RCOR3: variants seen among roughly 807,000 people sequenced by gnomAD.
RCOR3 encodes the protein REST corepressor 3.
A neutral mutation model predicts 64.1 loss-of-function variants in RCOR3; 13 were observed. The ratio of observed to expected loss-of-function variants is 0.20; its 90% confidence interval spans 0.13 to 0.32. RCOR3 has a LOEUF of 0.32. Among genes scored for constraint, RCOR3 ranks in the 10% least tolerant of loss-of-function variants. RCOR3 has a pLI of 1.00. For missense variants in RCOR3, 489 were observed against 701.2 expected, an observed-to-expected ratio of 0.70 and a Z score of 3.42; for synonymous variants, 215 against 239.0, an observed-to-expected ratio of 0.90 and a Z score of 0.93.
chr1:211,315,272 T>G lies in RCOR3; in HGVS notation c.*1504T>G, dbSNP rs1322471941. 5 of 152,194 alleles carry G rather than the reference T, an allele frequency of 3.3e-5. No homozygotes were observed. Among genetic ancestry groups the G allele is most frequent in the African/African-American group, 1.2e-4 (5 of 41,452 alleles). The allele number at this position is 152,194 out of a possible 1,614,324, so 9.4% of individuals were successfully genotyped here. Reference sequence around the variant, plus strand: ...TCAACATCTAAGGCCCTAATTTATGTTTTGAAAGATCATGTGTTCCCAAAG... The same window carrying G: ...TCAACATCTAAGGCCCTAATTTATGGTTTGAAAGATCATGTGTTCCCAAAG... On this transcript the variant is annotated 3_prime_UTR_variant, in exon 12 of 12. Coordinates refer to ENST00000419091, the MANE Select transcript of RCOR3 (RefSeq NM_001136223.3).
Position 211,315,880 on chromosome 1 carries a change from T to C in RCOR3, c.*2112T>C, listed in dbSNP as rs1033768153. 2.6e-5 allele frequency: 4 copies of C among 152,232 alleles called. No individual in the cohort carries two copies. The highest frequency in any genetic ancestry group is 9.6e-5 in the African/African-American group (4 of 41,456). 9.4% of individuals were successfully genotyped at this position (152,232 alleles called of 1,614,324 possible). On this transcript the variant is annotated 3_prime_UTR_variant, in exon 12 of 12. Transcript: ENST00000419091. ...TTAGTAATATGACACATGTATATAG[T>C]GAGATGTCTTTATTGTGTGCTTTGC...
intron 8 of RCOR3, among the ~76,000 whole-genome samples, chr1:211,290,578 A>G (rs550972918): frequency 1.5e-4 from 23 of 151,838 alleles, no homozygotes; most frequent in Middle Eastern, 3.4e-3. Flanking sequence ...CGTTCTTGCT[A>G]TGTTACCCAG....
intron 7 of RCOR3, among the ~76,000 whole-genome samples, chr1:211,279,649 A>G (rs1248165457): frequency 2.0e-5 from 3 of 152,214 alleles, no homozygotes; most frequent in Non-Finnish European, 4.4e-5. Flanking sequence ...AATGTTATTT[A>G]AAAAATTCTC....
At chr1:211,273,390 C>G (rs1288327290) in intron 3 of RCOR3, among the ~76,000 whole-genome samples, 1 of 152,170 alleles carries the variant, frequency 6.6e-6, no homozygotes, top group African/African-American at 2.4e-5. Flanking sequence ...CCCAGGTAGA[C>G]TAGCTGTTCC....
intron 7 of RCOR3, among the ~76,000 whole-genome samples, chr1:211,287,245 AG>A (rs1698659478): frequency 6.6e-6 from 1 of 152,088 alleles, no homozygotes; most frequent in Non-Finnish European, 1.5e-5. Context: ...CCCTCTGCAG[AG>A]CAGGAGTGTT....
At chr1:211,293,086 A>AAAATAAATAAATAAATAAATAAATAAAT (rs10524651) in intron 8 of RCOR3, among the ~76,000 whole-genome samples, 4 of 142,966 alleles carry the variant, frequency 2.8e-5, no homozygotes, top group South Asian at 2.3e-4. Flanking sequence ...TCTGTCTCCA[A>AAAATAAATAAATAAATAAATAAATAAAT]AAATAAATAA....
chr1:211,293,933 A>G (rs6688682), intron 8 of RCOR3, among the ~76,000 whole-genome samples: 145,654 of 152,322 alleles, frequency 0.96, 69,706 homozygotes, highest in East Asian at 1. Context: ...TAGTAGAGTA[A>G]AAGTTAAAAA....
intron 2 of RCOR3, among the ~76,000 whole-genome samples, chr1:211,266,686 G>A (rs1695250168): frequency 6.6e-6 from 1 of 152,094 alleles, no homozygotes; most frequent in African/African-American, 2.4e-5. Flanking sequence ...TAGTTTTGAG[G>A]TATAATCTTA....
intron 4 of RCOR3, among the ~76,000 whole-genome samples, chr1:211,274,773 A>G (rs952729031): frequency 6.6e-6 from 1 of 151,876 alleles, no homozygotes; most frequent in Admixed American, 6.6e-5. Flanking sequence ...GGTAACTTCA[A>G]AAGGATATAT....
In RCOR3 at chr1:211,289,203, C is replaced by A. The variant is rs1368394054; in HGVS notation, c.746C>A (p.Thr249Asn). 6.2e-7 allele frequency: 1 copy of A among 1,613,942 alleles called. No homozygotes were observed. The highest frequency in any genetic ancestry group is 1.3e-5 in the African/African-American group (1 of 74,898). Residue 249 changes from threonine (T) to asparagine (N), a missense_variant, in exon 8 of 12, where the codon ACT (threonine) becomes AAT (asparagine). Thr to Asn is a moderately conservative substitution (Grantham distance 65). Transcript: ENST00000419091. Reference protein sequence around the residue: ...KEGNTEQPVQTSKIGLGRREY... With the variant: ...KEGNTEQPVQNSKIGLGRREY... ...GGTAATACTGAACAACCTGTCCAAACTAGCAAGATTGGACTTGGAAGAAGA... is the reference window on the plus strand; with the variant it reads ...GGTAATACTGAACAACCTGTCCAAAATAGCAAGATTGGACTTGGAAGAAGA...
At chr1:211,271,053 T>C (rs1696107929) in intron 2 of RCOR3, among the ~76,000 whole-genome samples, 179 bp from the exon 3 acceptor site, 1 of 152,130 alleles carries the variant, frequency 6.6e-6, no homozygotes. Flanking sequence ...GAGACGGGGT[T>C]TCACCATGTT....
chr1:211,295,190 A>G (rs1699739424), intron 8 of RCOR3, among the ~76,000 whole-genome samples: 1 of 151,664 alleles, frequency 6.6e-6, no homozygotes, highest in Non-Finnish European at 1.5e-5. Context: ...TGTATTTATC[A>G]TGTTATAGCA....
At chr1:211,286,416 TC>T (rs1445645482) in intron 7 of RCOR3, among the ~76,000 whole-genome samples, 1 of 151,894 alleles carries the variant, frequency 6.6e-6, no homozygotes, top group Non-Finnish European at 1.5e-5. Context: ...CAAGTGATTC[TC>T]CTGCCTCAGC....
chr1:211,262,196 C>T (rs1399341461), intron 2 of RCOR3, among the ~76,000 whole-genome samples: 1 of 151,396 alleles, frequency 6.6e-6, no homozygotes, highest in East Asian at 2.0e-4. Flanking sequence ...CGCCACCATG[C>T]CTGGCTAATT....
At chr1:211,300,208 C>T (rs1275569012) in intron 9 of RCOR3, among the ~76,000 whole-genome samples, 1 of 151,358 alleles carries the variant, frequency 6.6e-6, no homozygotes, top group Non-Finnish European at 1.5e-5. Flanking sequence ...GTAGCTGGGA[C>T]CACAGGCACA....
intron 7 of RCOR3, among the ~76,000 whole-genome samples, chr1:211,287,341 C>G (rs1333511191): frequency 1.3e-5 from 2 of 152,164 alleles, no homozygotes; most frequent in African/African-American, 4.8e-5. Context: ...TCCATTGAAG[C>G]CTGGCTTTAG....
At position 211,267,817 on chromosome 1, in the gene RCOR3, T is replaced by A. The variant is rs913255500; in HGVS notation, c.224-3415T>A. On this transcript the variant is annotated intron_variant, in intron 2 of 11. Coordinates refer to ENST00000419091, the MANE Select transcript of RCOR3 (RefSeq NM_001136223.3). ...TATGTTTCCCAGGCTGGTCTCAAAC[T>A]CCGGGGCTCAAGCCATCCGCCCTCC... The A allele has an allele frequency of 3.4e-5, 12 of 357,900 alleles. No homozygotes were observed. The Admixed American group carries it at 4.6e-4, about 14-fold the overall frequency. 22.2% of individuals were successfully genotyped at this position (357,900 alleles called of 1,614,324 possible). A position where few individuals can be genotyped will look rare whatever the true frequency, so the allele number is the denominator to read the frequency against.
chr1:211,293,110 T>TAAAC (rs140967222), intron 8 of RCOR3, among the ~76,000 whole-genome samples: 1 of 150,816 alleles, frequency 6.6e-6, no homozygotes, highest in East Asian at 1.9e-4. Flanking sequence ...AATAAATAAA[T>TAAAC]AAATAAATAA....
chr1:211,284,549 G>T (rs1698274604), intron 7 of RCOR3, among the ~76,000 whole-genome samples: 1 of 147,952 alleles, frequency 6.8e-6, no homozygotes, highest in Non-Finnish European at 1.5e-5. Flanking sequence ...ACAGTTGGGG[G>T]TCTTGTTTTG....
Sources: gnomAD v4.1 joint callset for allele counts (sites outside exome capture counted in the v4.1 genomes callset) on GRCh38, gnomAD v4.1.1 for gene constraint, MANE v1.5 for transcripts, NCBI Gene and HGNC (gene_info 2026-07-23, HGNC 2026-07-21) for gene names.